MAPRE3: variants seen among roughly 807,000 people sequenced by gnomAD.
MAPRE3 encodes microtubule-associated protein RP/EB family member 3.
MAPRE3 carries 2 observed loss-of-function variants against 30.5 expected under a neutral mutation model. The ratio of observed to expected loss-of-function variants is 0.07; its 90% CI spans 0.03 to 0.21. The LOEUF (loss-of-function observed/expected upper bound fraction) is 0.21. MAPRE3 is among the 10% of genes least tolerant of loss of function. MAPRE3 has a pLI of 1.00. For synonymous variants in MAPRE3, 110 were observed against 127.7 expected, an observed-to-expected ratio of 0.86 and a Z score of 0.93; for missense variants, 204 against 351.8, an observed-to-expected ratio of 0.58 and a Z score of 3.36.
At chr2:26,982,451 T>A (rs148537449) in intron 1 of MAPRE3, among the ~76,000 whole-genome samples, 1 of 152,242 alleles carries the variant, frequency 6.6e-6, no homozygotes, top group Admixed American at 6.5e-5. Context: ...CCTGGACATT[T>A]TGTAGTCCCG....
chr2:26,972,082 T>C (rs1665925386), intron 1 of MAPRE3, among the ~76,000 whole-genome samples: 1 of 152,246 alleles, frequency 6.6e-6, no homozygotes, highest in African/African-American at 2.4e-5. Context: ...TAAACATGTC[T>C]CAACTTGAGG....
intron 1 of MAPRE3, among the ~76,000 whole-genome samples, chr2:27,018,895 TTTTA>T (rs143408252): frequency 3.0e-4 from 44 of 146,944 alleles, no homozygotes; most frequent in East Asian, 2.8e-3. Flanking sequence ...GCACACACAT[TTTTA>T]TTTATTTATT....
At chr2:26,992,870 A>C (rs1180918733) in intron 1 of MAPRE3, among the ~76,000 whole-genome samples, 1 of 152,154 alleles carries the variant, frequency 6.6e-6, no homozygotes, top group Non-Finnish European at 1.5e-5. Flanking sequence ...TGGAGTGTTG[A>C]TTCTGTATAA....
At chr2:27,005,178 C>CA (rs1666697742) in intron 1 of MAPRE3, among the ~76,000 whole-genome samples, 1 of 152,070 alleles carries the variant, frequency 6.6e-6, no homozygotes, top group Non-Finnish European at 1.5e-5. Flanking sequence ...AGGAAGTAGT[C>CA]ACAGATTTAG....
At chr2:27,021,056 A>G (rs922358615) in intron 1 of MAPRE3, among the ~76,000 whole-genome samples, 1 of 152,252 alleles carries the variant, frequency 6.6e-6, no homozygotes, top group Non-Finnish European at 1.5e-5. Context: ...AATACAGTAT[A>G]ACAACTATTT....
At chr2:26,990,763 A>G (rs1391262339) in intron 1 of MAPRE3, among the ~76,000 whole-genome samples, 1 of 152,252 alleles carries the variant, frequency 6.6e-6, no homozygotes, top group South Asian at 2.1e-4. Context: ...GTAATTACCA[A>G]GAGAGTAATT....
intron 1 of MAPRE3, among the ~76,000 whole-genome samples, chr2:26,982,200 A>C (rs1372938804): frequency 6.6e-6 from 1 of 151,868 alleles, no homozygotes; most frequent in Admixed American, 6.6e-5. Context: ...ATTCACTTTG[A>C]CTCTGACCCT....
Position 27,024,312 on chromosome 2 carries a change from C to G in MAPRE3, c.469+15C>G, listed in dbSNP as rs772229099. 1 of 1,610,292 alleles carries G rather than the reference C, an allele frequency of 6.2e-7. No individual in the cohort carries two copies. The highest frequency in any genetic ancestry group is 8.5e-7 in the Non-Finnish European group (1 of 1,177,764). Reference sequence around the variant, plus strand: ...TGGCACAGCAGGTAACGTGCCCGAGCCGGGGGAGGGAGCGTGGGGGGCCGG... The same window carrying G: ...TGGCACAGCAGGTAACGTGCCCGAGGCGGGGGAGGGAGCGTGGGGGGCCGG... On this transcript the variant is annotated intron_variant, in intron 4 of 6. Transcript: ENST00000233121.
chr2:26,981,754 G>C (rs1034948904), intron 1 of MAPRE3, among the ~76,000 whole-genome samples: 1 of 152,106 alleles, frequency 6.6e-6, no homozygotes, highest in Non-Finnish European at 1.5e-5. Flanking sequence ...TGGCTTCTGT[G>C]GTCTCAGCTT....
chr2:27,004,814 G>A (rs1251637624), intron 1 of MAPRE3, among the ~76,000 whole-genome samples: 1 of 151,226 alleles, frequency 6.6e-6, no homozygotes, highest in Admixed American at 6.6e-5. Flanking sequence ...TTAGTAGAAG[G>A]CATGAATGGT....
In MAPRE3 at chr2:26,982,022, A is replaced by G. The variant is rs571146249; in HGVS notation, c.-8+11220A>G. Among the ~76,000 whole-genome samples, 115 of 151,950 alleles carry G rather than the reference A, an allele frequency of 7.6e-4. 1 individual carries two copies. Among genetic ancestry groups the G allele is most frequent in the South Asian group, 1.9e-3 (9 of 4,792 alleles). On this transcript the variant is annotated intron_variant, in intron 1 of 6. Transcript: ENST00000233121. Reference sequence around the variant, plus strand: ...GTTTTGTGAGTGGAGCTTGGGTTCTACTCATTTTGTGAGGGTTCCAGCCCT... The same window carrying G: ...GTTTTGTGAGTGGAGCTTGGGTTCTGCTCATTTTGTGAGGGTTCCAGCCCT...
chr2:27,012,043 T>C (rs1006220744), intron 1 of MAPRE3: 3 of 150,462 alleles, frequency 2.0e-5, no homozygotes, highest in African/African-American at 7.4e-5. Flanking sequence ...CCATCTCTAC[T>C]AAGAATACAA....
At position 27,023,458 on chromosome 2, in the gene MAPRE3, A is replaced by G. The variant is rs1334524461; in HGVS notation, c.248A>G (p.Lys83Arg). The G allele has an allele frequency of 5.0e-6, 8 of 1,614,018 alleles. No homozygotes were observed. The highest frequency in any genetic ancestry group is 6.8e-6 in the Non-Finnish European group (8 of 1,180,016). The change falls in exon 3 of 7, where the codon AAG becomes AGG. Residue 83 changes from lysine to arginine, a missense_variant. This residue lies in a region of MAPRE3 where 101 missense variants were observed against 205.4 expected (regional missense o/e 0.49). Coordinates refer to ENST00000233121, the MANE Select transcript of MAPRE3 (RefSeq NM_012326.4). ...TTCAAGGTGCTGCAAGCAGCTTTCAAGAAGATGGGTGTTGACAAAGTAGGT... is the reference window on the plus strand; with the variant it reads ...TTCAAGGTGCTGCAAGCAGCTTTCAGGAAGATGGGTGTTGACAAAGTAGGT... ...HNFKVLQAAF[K>R]KMGVDKIIPV...
intron 1 of MAPRE3, chr2:27,012,171 A>C (rs1572765401): frequency 6.7e-6 from 1 of 150,098 alleles, no homozygotes; most frequent in Admixed American, 6.7e-5. Flanking sequence ...ATGCCACTGC[A>C]CTCCAGCCTG....
At chr2:27,018,893 A>ATTTT (rs755799012) in intron 1 of MAPRE3, among the ~76,000 whole-genome samples, 354 of 112,148 alleles carry the variant, frequency 3.2e-3, no homozygotes, top group Non-Finnish European at 5.4e-3. Context: ...AGGCACACAC[A>ATTTT]TTTTTATTTA....
intron 1 of MAPRE3, among the ~76,000 whole-genome samples, chr2:26,982,652 G>A (rs573043689): frequency 6.6e-6 from 1 of 152,328 alleles, no homozygotes; most frequent in East Asian, 1.9e-4. Flanking sequence ...TTTCCACCTA[G>A]TCAGCCTACC....
intron 6 of MAPRE3, 80 bp downstream of exon 6, chr2:27,026,112 C>T: frequency 1.3e-6 from 2 of 1,542,604 alleles, no homozygotes; most frequent in Non-Finnish European, 1.8e-6. Context: ...CCAGAAGGGA[C>T]CGTGGAGAAC....
chr2:27,026,447 C>A lies in MAPRE3; in HGVS notation c.*99C>A. On this transcript the variant is annotated 3_prime_UTR_variant, in exon 7 of 7. Coordinates refer to ENST00000233121, the MANE Select transcript of MAPRE3 (RefSeq NM_012326.4). ...CTTTCCTAACACGGTCGGCCGGGTGCTTTGTGTCAGTGCTGCAGCACTGGG... is the reference window on the plus strand; with the variant it reads ...CTTTCCTAACACGGTCGGCCGGGTGATTTGTGTCAGTGCTGCAGCACTGGG... 11 of 1,095,718 alleles carry A rather than the reference C, an allele frequency of 1.0e-5. No homozygotes were observed. Among genetic ancestry groups the A allele is most frequent in the Non-Finnish European group, 1.5e-5 (11 of 750,398 alleles). The allele number at this position is 1,095,718 out of a possible 1,614,324, so 67.9% of individuals were successfully genotyped here. A position where few individuals can be genotyped will look rare whatever the true frequency, so the allele number is the denominator to read the frequency against.
At position 26,986,420 on chromosome 2, in the gene MAPRE3, G is replaced by T. The variant is rs2148201964; in HGVS notation, c.-8+15618G>T. ...CTGTAAGCCTAAATGGTATGGGTAT[G>T]TTCAAATTAGATGCTACTCCCTGAA... On this transcript the variant is annotated intron_variant, in intron 1 of 6. Transcript: ENST00000233121. This position sits in a 1 kb window ranked among gnomAD's most constrained non-coding sequence, Gnocchi z 4.2. 6.6e-6 allele frequency: 1 copy of T among 152,296 alleles called. No homozygotes were observed. Among genetic ancestry groups the T allele is most frequent in the African/African-American group, 2.4e-5 (1 of 41,572 alleles). 9.4% of individuals were successfully genotyped at this position (152,296 alleles called of 1,614,324 possible).
Sources: gnomAD v4.1 joint callset for allele counts (sites outside exome capture counted in the v4.1 genomes callset) on GRCh38, gnomAD v4.1.1 for gene constraint, gnomAD v4.1.1 regional missense constraint, Gnocchi (gnomAD v3.1) non-coding constraint, MANE v1.5 for transcripts, NCBI Gene and HGNC (gene_info 2026-07-23, HGNC 2026-07-21) for gene names.